GLRA3: variants seen among roughly 807,000 people sequenced by gnomAD.
GLRA3 encodes glycine receptor subunit alpha-3.
In GLRA3, 44 loss-of-function variants were observed where a neutral mutation model predicts 60.4. The ratio of observed to expected loss-of-function variants is 0.73; its 90% confidence interval spans 0.57 to 0.94. The LOEUF (loss-of-function observed/expected upper bound fraction) is 0.94. Ranked by LOEUF, GLRA3 falls within the 40% of genes least tolerant of loss-of-function variation. The pLI is 0.00. For synonymous variants in GLRA3, 223 were observed against 192.9 expected (o/e 1.16, Z -1.29); for missense variants, 508 against 564.6 (o/e 0.90, Z 1.02).
chr4:174,702,650 C>G (rs768988425), intron 5 of GLRA3, among the ~76,000 whole-genome samples: 6 of 152,140 alleles, frequency 3.9e-5, no homozygotes, highest in African/African-American at 1.4e-4. Context: ...TCACTGCAAC[C>G]TTGAAGTCCT....
chr4:174,782,581 C>T (rs1738929021), intron 2 of GLRA3, among the ~76,000 whole-genome samples: 1 of 151,992 alleles, frequency 6.6e-6, no homozygotes. Context: ...ATTGTCTCAG[C>T]CCAAAATCTC....
intron 7 of GLRA3, among the ~76,000 whole-genome samples, chr4:174,672,771 C>T (rs1011930494): frequency 7.9e-5 from 12 of 151,962 alleles, no homozygotes; most frequent in East Asian, 1.9e-4. Flanking sequence ...AGGATAATTG[C>T]GATGTAACTG....
At position 174,722,401 on chromosome 4, in the gene GLRA3, G is replaced by A. The variant is rs532564042; in HGVS notation, c.491+6074C>T. 2.0e-5 allele frequency among the ~76,000 whole-genome samples: 3 copies of A among 152,138 alleles called. No individual in the cohort carries two copies. In the East Asian group the frequency reaches 5.8e-4, roughly 29 times the overall value. Reference sequence around the variant, plus strand: ...TTATACTCCTCTTAGATCTCTTCTGGCCTCTACTTTCTGAAGTCCCAGGTG... The same window carrying A: ...TTATACTCCTCTTAGATCTCTTCTGACCTCTACTTTCTGAAGTCCCAGGTG... On this transcript the variant is annotated intron_variant, in intron 4 of 9. Transcript: ENST00000274093.
intron 2 of GLRA3, among the ~76,000 whole-genome samples, chr4:174,773,102 G>T (rs976323515): frequency 6.6e-6 from 1 of 152,154 alleles, no homozygotes; most frequent in Non-Finnish European, 1.5e-5. Context: ...CACCTGTTTA[G>T]TAGCTCTTGG....
At chr4:174,703,735 CTGAGCCTCTGAAAA>C (rs1227543984) in intron 5 of GLRA3, among the ~76,000 whole-genome samples, 1 of 152,152 alleles carries the variant, frequency 6.6e-6, no homozygotes, top group Non-Finnish European at 1.5e-5. Flanking sequence ...AAATAGAAAA[CTGAGCCTCTGAAAA>C]TGAGCGGATT....
chr4:174,668,296 T>C (rs890970927), intron 7 of GLRA3, among the ~76,000 whole-genome samples: 1 of 152,168 alleles, frequency 6.6e-6, no homozygotes, highest in African/African-American at 2.4e-5. Context: ...GAGAAATAGA[T>C]GGTTTGCATA....
intron 5 of GLRA3, among the ~76,000 whole-genome samples, chr4:174,702,012 C>T (rs1330210872): frequency 6.6e-6 from 1 of 152,224 alleles, no homozygotes; most frequent in Non-Finnish European, 1.5e-5. Flanking sequence ...GTTGATAAAG[C>T]GGTGGCAGAG....
chr4:174,706,705 A>G (rs1406627105), intron 5 of GLRA3, among the ~76,000 whole-genome samples: 1 of 152,232 alleles, frequency 6.6e-6, no homozygotes, highest in Non-Finnish European at 1.5e-5. Flanking sequence ...AAGGAAAATA[A>G]AATTCCAGAG....
chr4:174,704,562 A>G (rs894771956), intron 5 of GLRA3, among the ~76,000 whole-genome samples: 2 of 143,588 alleles, frequency 1.4e-5, no homozygotes, highest in Non-Finnish European at 3.1e-5. Flanking sequence ...TTAAAAATGA[A>G]TGACCATATT....
rs186528144 is a variant in GLRA3, at chr4:174,643,480, T to A, written c.*306A>T. 85 of 927,318 alleles carry A rather than the reference T, an allele frequency of 9.2e-5. 1 individual carries two copies. In the African/African-American group the frequency reaches 2.2e-3, roughly 24 times the overall value. The allele number at this position is 927,318 out of a possible 1,614,324, so 57.4% of individuals were successfully genotyped here. ...AAAGTAGTTTTCATGTCTACTATTA[T>A]GAGATATTATATAACATATAAACAC... On this transcript the variant is annotated 3_prime_UTR_variant, in exon 10 of 10. Transcript: ENST00000274093.
intron 3 of GLRA3, among the ~76,000 whole-genome samples, chr4:174,744,540 C>T (rs1737160309): frequency 6.6e-6 from 1 of 152,204 alleles, no homozygotes; most frequent in Admixed American, 6.5e-5. Context: ...TCACAAATAC[C>T]ACCAATGCTG....
intron 3 of GLRA3, among the ~76,000 whole-genome samples, chr4:174,750,868 C>T (rs1042844901): frequency 6.6e-6 from 1 of 151,970 alleles, no homozygotes; most frequent in Admixed American, 6.6e-5. Context: ...AAATAAAGGG[C>T]CCAGGACATC....
At chr4:174,801,038 G>A (rs963293665) in intron 1 of GLRA3, among the ~76,000 whole-genome samples, 1 of 152,074 alleles carries the variant, frequency 6.6e-6, no homozygotes, top group Non-Finnish European at 1.5e-5. Flanking sequence ...TACTCAGCAT[G>A]TTTAAGGTAG....
At chr4:174,760,976 TA>T (rs1737922385) in intron 3 of GLRA3, among the ~76,000 whole-genome samples, 5 of 152,202 alleles carry the variant, frequency 3.3e-5, no homozygotes, top group Admixed American at 2.0e-4. Context: ...TACATGTGTA[TA>T]CTTCAATATG....
In GLRA3 at chr4:174,715,961, A is replaced by G. The variant is rs9990491; in HGVS notation, c.492-391T>C. ...TCTGTATTCCAAGACGACATCCTCA[A>G]AAGAGAAATTCAAGAGTGGATCCTA... On this transcript the variant is annotated intron_variant, in intron 4 of 9. Coordinates refer to ENST00000274093, the MANE Select transcript of GLRA3 (RefSeq NM_006529.4). Among the ~76,000 whole-genome samples the G allele has an allele frequency of 8.1e-3, 1,228 of 152,320 alleles. 15 individuals are homozygous for G. The highest frequency in any genetic ancestry group is 0.028 in the African/African-American group (1,144 of 41,564).
chr4:174,665,043 A>G (rs1007207827), intron 7 of GLRA3, among the ~76,000 whole-genome samples: 1 of 152,144 alleles, frequency 6.6e-6, no homozygotes, highest in Non-Finnish European at 1.5e-5. Context: ...GAGGGTAACG[A>G]TATGAAAGAC....
intron 1 of GLRA3, among the ~76,000 whole-genome samples, chr4:174,800,715 T>C (rs1212232511): frequency 1.3e-5 from 2 of 152,146 alleles, no homozygotes; most frequent in Admixed American, 6.5e-5. Context: ...TTCCTCTCTG[T>C]ATATAGACAG....
intron 3 of GLRA3, among the ~76,000 whole-genome samples, chr4:174,754,116 T>C (rs1460783916): frequency 1.3e-5 from 2 of 152,174 alleles, no homozygotes; most frequent in African/African-American, 4.8e-5. Flanking sequence ...TTTACCTTTG[T>C]GAACAGGATC....
At position 174,640,489 on chromosome 4, in the gene GLRA3, A is replaced by G. The variant is rs972821965; in HGVS notation, c.*3297T>C. 6.6e-6 allele frequency: 1 copy of G among 152,108 alleles called. No homozygotes were observed. The highest frequency in any genetic ancestry group is 2.4e-5 in the African/African-American group (1 of 41,448). 9.4% of individuals were successfully genotyped at this position (152,108 alleles called of 1,614,324 possible). The stretch of plus-strand genomic sequence containing the variant: ...GTTGTGTTGAGAAAAATAGAAAAGC[A>G]TATTTTAAAAAGTGGAATAAAAAAT... On this transcript the variant is annotated 3_prime_UTR_variant, in exon 10 of 10. Coordinates refer to ENST00000274093, the MANE Select transcript of GLRA3 (RefSeq NM_006529.4).
Sources: allele counts gnomAD v4.1 joint callset (sites outside exome capture counted in the v4.1 genomes callset), GRCh38; gene constraint gnomAD v4.1.1; transcripts MANE v1.5; gene names NCBI Gene and HGNC (gene_info 2026-07-23, HGNC 2026-07-21).